LRIF1: variants seen among roughly 807,000 people sequenced by gnomAD.
LRIF1 encodes the protein ligand-dependent nuclear receptor-interacting factor 1.
LRIF1 carries 32 observed loss-of-function variants against 52.7 expected under a neutral mutation model. The ratio of observed to expected loss-of-function variants is 0.61; its 90% CI spans 0.46 to 0.82. LRIF1 has a LOEUF of 0.82. LRIF1 is among the 40% of genes least tolerant of loss of function. The pLI is 0.00. For synonymous variants in LRIF1, 323 were observed against 317.4 expected (o/e 1.02, Z -0.19); for missense variants, 887 against 892.0 (o/e 0.99, Z 0.07).
chr1:110,949,750 C>G, intron 3 of LRIF1, 101 bp downstream of exon 3: 1 of 1,256,214 alleles, frequency 8.0e-7, no homozygotes, highest in Admixed American at 2.2e-5. Flanking sequence ...TAACAACCAT[C>G]ATTTATACTA....
At chr1:110,962,353 T>C (rs931702345) in intron 1 of LRIF1, among the ~76,000 whole-genome samples, 2 of 152,240 alleles carry the variant, frequency 1.3e-5, no homozygotes, top group East Asian at 1.9e-4. Context: ...ATGGCTCTTT[T>C]TATGATTTGA....
the LRIF1 span, among the ~76,000 whole-genome samples, chr1:110,919,023 T>C: frequency 6.6e-6 from 1 of 152,182 alleles, no homozygotes; most frequent in Non-Finnish European, 1.5e-5. Flanking sequence ...AGCCAAAAAA[T>C]TGCTGGCTAT....
At chr1:110,884,317 A>G in the LRIF1 span, among the ~76,000 whole-genome samples, 1 of 152,114 alleles carries the variant, frequency 6.6e-6, no homozygotes, top group African/African-American at 2.4e-5. Context: ...GAAACTTTCT[A>G]GGGATATTTC....
chr1:110,917,482 G>A, the LRIF1 span, among the ~76,000 whole-genome samples: 3 of 152,132 alleles, frequency 2.0e-5, no homozygotes, highest in Non-Finnish European at 4.4e-5. Context: ...ACCACAATTA[G>A]GGGCATAGGG....
At chr1:110,894,136 T>C in the LRIF1 span, among the ~76,000 whole-genome samples, 1 of 152,232 alleles carries the variant, frequency 6.6e-6, no homozygotes, top group East Asian at 1.9e-4. Context: ...ACAGTTGATC[T>C]GCCCTCTAGA....
At chr1:110,925,842 T>C in the LRIF1 span, among the ~76,000 whole-genome samples, 1 of 152,092 alleles carries the variant, frequency 6.6e-6, no homozygotes, top group African/African-American at 2.4e-5. Context: ...ACATAGTCAA[T>C]ATACAAATGT....
At chr1:110,940,838 G>A in the LRIF1 span, 1 of 152,084 alleles carries the variant, frequency 6.6e-6, no homozygotes, top group Admixed American at 6.5e-5. Flanking sequence ...AGGGTACTTG[G>A]GCACTGGAGG....
chr1:110,880,239 T>C, the LRIF1 span: 1 of 152,176 alleles, frequency 6.6e-6, no homozygotes, highest in Non-Finnish European at 1.5e-5. Flanking sequence ...GCTTAATCAC[T>C]GCCCAGTAAC....
chr1:110,880,037 A>G, the LRIF1 span, among the ~76,000 whole-genome samples: 1 of 152,226 alleles, frequency 6.6e-6, no homozygotes, highest in Non-Finnish European at 1.5e-5. Flanking sequence ...TAAAGAGCAA[A>G]GTTGATCCCT....
the LRIF1 span, among the ~76,000 whole-genome samples, chr1:110,930,059 C>G: frequency 6.6e-6 from 1 of 152,200 alleles, no homozygotes; most frequent in African/African-American, 2.4e-5. Context: ...ATATTATTAA[C>G]TAAACTACAG....
At chr1:110,931,135 G>A in the LRIF1 span, among the ~76,000 whole-genome samples, 54 of 151,996 alleles carry the variant, frequency 3.6e-4, no homozygotes, top group African/African-American at 1.3e-3. Flanking sequence ...CCCTACCCCA[G>A]CCCCCCAACC....
chr1:110,944,613 A>G (rs1453592638), downstream of LRIF1: 3 of 152,252 alleles, frequency 2.0e-5, no homozygotes, highest in Non-Finnish European at 2.9e-5. Context: ...ATGACTAGTC[A>G]ATGAGGCAGA....
At chr1:110,909,686 T>G in the LRIF1 span, among the ~76,000 whole-genome samples, 497 of 151,196 alleles carry the variant, frequency 3.3e-3, 2 homozygotes, top group Non-Finnish European at 5.5e-3. Flanking sequence ...GTTCCAGTGA[T>G]TCTTCTGCCT....
chr1:110,948,537 G>T, intron 3 of LRIF1, 138 bp from the exon 4 acceptor site: 1 of 1,294,074 alleles, frequency 7.7e-7, no homozygotes, highest in Non-Finnish European at 1.0e-6. Flanking sequence ...GACAACTACA[G>T]CAAGAGGGAA....
At chr1:110,955,938 G>A (rs142356857) in intron 1 of LRIF1, among the ~76,000 whole-genome samples, 159 of 152,310 alleles carry the variant, frequency 1.0e-3, no homozygotes, top group Middle Eastern at 6.8e-3. Context: ...GACAGGTGGA[G>A]GGACTCAACC....
chr1:110,896,624 C>A, the LRIF1 span: 2 of 1,603,708 alleles, frequency 1.2e-6, no homozygotes, highest in Non-Finnish European at 1.7e-6. Context: ...ACTTTCTAAC[C>A]ATCATCATTT....
At chr1:110,908,403 AGACTGAAAT>A in the LRIF1 span, among the ~76,000 whole-genome samples, 2 of 152,238 alleles carry the variant, frequency 1.3e-5, no homozygotes, top group Non-Finnish European at 2.9e-5. Context: ...GTTCTCAACC[AGACTGAAAT>A]GACTGAAATA....
At position 110,947,284 on chromosome 1, in the gene LRIF1, A is replaced by C. The variant is rs546491146; in HGVS notation, c.*675T>G. 6.6e-6 allele frequency: 1 copy of C among 152,206 alleles called. No individual in the cohort carries two copies. The highest frequency in any genetic ancestry group is 1.5e-5 in the Non-Finnish European group (1 of 68,052). 9.4% of individuals were successfully genotyped at this position (152,206 alleles called of 1,614,324 possible). A position where few individuals can be genotyped will look rare whatever the true frequency, so the allele number is the denominator to read the frequency against. ...TAACGTATGTACATAGTCCCAAAAA[A>C]AAAAAAAGCAGCATTTGCCTGGGAA... On this transcript the variant is annotated 3_prime_UTR_variant, in exon 4 of 4. Coordinates refer to ENST00000369763, the MANE Select transcript of LRIF1 (RefSeq NM_018372.4).
chr1:110,939,858 C>T, the LRIF1 span: 2 of 152,180 alleles, frequency 1.3e-5, no homozygotes, highest in Admixed American at 1.3e-4. Flanking sequence ...AGGATTAAAT[C>T]TAAGACCTCA....
Sources: gnomAD v4.1 joint callset for allele counts (sites outside exome capture counted in the v4.1 genomes callset) on GRCh38, gnomAD v4.1.1 for gene constraint, MANE v1.5 for transcripts, NCBI Gene and HGNC (gene_info 2026-07-23, HGNC 2026-07-21) for gene names.